Variants in ARHGEF28 observed in about 807,000 individuals in gnomAD.
ARHGEF28 encodes the protein 190 kDa guanine nucleotide exchange factor.
Under a neutral mutation model 206.6 loss-of-function variants are expected in ARHGEF28, and 152 were observed. The ratio of observed to expected loss-of-function variants is 0.74; its 90% confidence interval spans 0.64 to 0.84. The LOEUF (loss-of-function observed/expected upper bound fraction) is 0.84, where lower values mean the gene tolerates loss of function less well. ARHGEF28 is among the 40% of genes least tolerant of loss of function. The pLI is 0.00. For missense variants in ARHGEF28, 2,028 were observed against 2,073.2 expected (o/e 0.98, Z 0.42); for synonymous variants, 763 against 776.4 (o/e 0.98, Z 0.29).
In ARHGEF28 at chr5:73,755,694, C is replaced by A. The variant is rs149554959; in HGVS notation, c.475+2492C>A. 2.3e-3 allele frequency among the ~76,000 whole-genome samples: 354 copies of A among 152,284 alleles called. 1 individual carries two copies. The highest frequency in any genetic ancestry group is 7.6e-3 in the African/African-American group (317 of 41,560). On this transcript the variant is annotated intron_variant, in intron 4 of 35. Coordinates refer to ENST00000513042, the MANE Select transcript of ARHGEF28 (RefSeq NM_001177693.2). ...GAAGCATACAGTTTTCCATGCTGGG[C>A]ATGCCTGCTCAAAGTTATTTTTGCT...
intron 27 of ARHGEF28, among the ~76,000 whole-genome samples, chr5:73,892,980 C>T (rs1761736713): frequency 6.6e-6 from 1 of 152,068 alleles, no homozygotes; most frequent in African/African-American, 2.4e-5. Flanking sequence ...TTGAGTCATC[C>T]CACACCACCG....
At position 73,882,461 on chromosome 5, in the gene ARHGEF28, T is replaced by G; in HGVS notation, c.2815-11T>G. 1 of 1,412,688 alleles carries G rather than the reference T, an allele frequency of 7.1e-7. No homozygotes were observed. Among genetic ancestry groups the G allele is most frequent in the East Asian group, 2.5e-5 (1 of 39,342 alleles). 87.5% of individuals were successfully genotyped at this position (1,412,688 alleles called of 1,614,324 possible). A position where few individuals can be genotyped will look rare whatever the true frequency, so the allele number is the denominator to read the frequency against. On this transcript the variant is annotated splice_polypyrimidine_tract_variant and intron_variant, in intron 22 of 35. Transcript: ENST00000513042. Reference sequence around the variant, plus strand: ...AATTTACAAACCATTATTTAAATGTTATTCTTCCAGTTTTCAGAAGAAAAT... The same window carrying G: ...AATTTACAAACCATTATTTAAATGTGATTCTTCCAGTTTTCAGAAGAAAAT...
At chr5:73,738,702 G>T (rs1445114565) in intron 2 of ARHGEF28, among the ~76,000 whole-genome samples, 1 of 152,150 alleles carries the variant, frequency 6.6e-6, no homozygotes, top group Non-Finnish European at 1.5e-5. Flanking sequence ...AATAAGAATG[G>T]ATAGTTATGA....
intron 10 of ARHGEF28, among the ~76,000 whole-genome samples, chr5:73,839,576 A>G (rs1757860845): frequency 6.6e-6 from 1 of 152,070 alleles, no homozygotes; most frequent in Non-Finnish European, 1.5e-5. Flanking sequence ...ACTCTTTTTC[A>G]TGCATGTGGG....
chr5:73,729,670 C>T (rs1483682951), intron 2 of ARHGEF28, among the ~76,000 whole-genome samples: 2 of 152,204 alleles, frequency 1.3e-5, no homozygotes, highest in South Asian at 2.1e-4. Flanking sequence ...ACATTTCAGG[C>T]GGGCAGCTTC....
intron 35 of ARHGEF28, among the ~76,000 whole-genome samples, chr5:73,925,022 A>G (rs1763721963): frequency 1.3e-5 from 2 of 152,220 alleles, no homozygotes; most frequent in Non-Finnish European, 2.9e-5. Context: ...GATTTGCCAC[A>G]TGGGTTGTGT....
intron 2 of ARHGEF28, among the ~76,000 whole-genome samples, chr5:73,686,733 AG>A (rs1215184553): frequency 1.3e-5 from 2 of 151,968 alleles, no homozygotes; most frequent in African/African-American, 2.4e-5. Context: ...CGTGTTAGCC[AG>A]GATGGTCTCG....
intron 26 of ARHGEF28, among the ~76,000 whole-genome samples, chr5:73,888,449 T>G (rs1761433122): frequency 6.6e-6 from 1 of 152,200 alleles, no homozygotes; most frequent in Admixed American, 6.5e-5. Context: ...ATGCTTGAGA[T>G]TCTCTTAAAG....
rs150197427 is a variant in ARHGEF28, at chr5:73,772,627, C to T, written c.476-1228C>T. On this transcript the variant is annotated intron_variant, in intron 4 of 35. Transcript: ENST00000513042. ...CTCCTGGGCTCAAGTGATCCTCCCGCGTTGGCCTCCCAAAGTGCTGGGATT... is the reference window on the plus strand; with the variant it reads ...CTCCTGGGCTCAAGTGATCCTCCCGTGTTGGCCTCCCAAAGTGCTGGGATT... Among the ~76,000 whole-genome samples the T allele has an allele frequency of 7.3e-3, 1,115 of 152,300 alleles. 8 individuals are homozygous for T. The highest frequency in any genetic ancestry group is 0.014 in the Middle Eastern group (4 of 294).
At chr5:73,842,188 T>C (rs949143159) in intron 11 of ARHGEF28, among the ~76,000 whole-genome samples, 8 of 152,154 alleles carry the variant, frequency 5.3e-5, no homozygotes, top group Non-Finnish European at 8.8e-5. Context: ...AGCTTTTTTT[T>C]CCCCCATATC....
intron 4 of ARHGEF28, among the ~76,000 whole-genome samples, chr5:73,758,950 C>T (rs771548297): frequency 1.3e-5 from 2 of 152,174 alleles, no homozygotes; most frequent in Non-Finnish European, 2.9e-5. Context: ...TTTCTCCTGC[C>T]TTTGTGATTG....
rs559847014 is a variant in ARHGEF28, at chr5:73,879,809, G to C, written c.2815-2663G>C. Among the ~76,000 whole-genome samples, 5 of 152,234 alleles carry C rather than the reference G, an allele frequency of 3.3e-5. No individual in the cohort carries two copies. In the East Asian group the frequency reaches 9.7e-4, roughly 29 times the overall value. On this transcript the variant is annotated intron_variant, in intron 22 of 35. Coordinates refer to ENST00000513042, the MANE Select transcript of ARHGEF28 (RefSeq NM_001177693.2). Reference sequence around the variant, plus strand: ...AAGTTTTGTCTCAGAGGAGTACCTGGCCATGTGAGGTGTCAGTCTGCCCCT... The same window carrying C: ...AAGTTTTGTCTCAGAGGAGTACCTGCCCATGTGAGGTGTCAGTCTGCCCCT...
intron 1 of ARHGEF28, among the ~76,000 whole-genome samples, chr5:73,650,247 T>TTC (rs575373247): frequency 6.4e-4 from 97 of 150,910 alleles, no homozygotes; most frequent in Admixed American, 2.0e-3. Flanking sequence ...ATCTGGCCCG[T>TTC]TCATCACCTG....
intron 1 of ARHGEF28, among the ~76,000 whole-genome samples, chr5:73,683,020 T>C (rs1747207378): frequency 6.6e-6 from 1 of 152,152 alleles, no homozygotes; most frequent in African/African-American, 2.4e-5. Context: ...TTGGAACTCC[T>C]TGAGGGCTGG....
intron 7 of ARHGEF28, among the ~76,000 whole-genome samples, chr5:73,784,494 C>A (rs1046891725): frequency 4.6e-5 from 7 of 152,132 alleles, no homozygotes; most frequent in Non-Finnish European, 8.8e-5. Flanking sequence ...AATAAAAAAC[C>A]TGGCTCCATA....
At chr5:73,810,432 T>C (rs890350957) in intron 9 of ARHGEF28, among the ~76,000 whole-genome samples, 4 of 152,242 alleles carry the variant, frequency 2.6e-5, no homozygotes, top group African/African-American at 7.2e-5. Flanking sequence ...GAATCTCAGC[T>C]AATAGAAATA....
At chr5:73,648,660 C>T (rs566837102) in intron 1 of ARHGEF28, among the ~76,000 whole-genome samples, 1 of 152,332 alleles carries the variant, frequency 6.6e-6, no homozygotes, top group African/African-American at 2.4e-5. Context: ...TGCATCATTG[C>T]AGTCAGGTGG....
chr5:73,838,558 G>T (rs367738803), intron 10 of ARHGEF28, among the ~76,000 whole-genome samples: 2 of 152,112 alleles, frequency 1.3e-5, no homozygotes, highest in African/African-American at 2.4e-5. Context: ...TCAGTACAGA[G>T]AATCCCTGTA....
chr5:73,737,525 T>TTCTTTTCTTTTCTTTTC (rs1751065348), intron 2 of ARHGEF28, among the ~76,000 whole-genome samples: 1 of 145,120 alleles, frequency 6.9e-6, no homozygotes, highest in Non-Finnish European at 1.5e-5. Flanking sequence ...TTCTTTTCTT[T>TTCTTTTCTTTTCTTTTC]TTTGTGATGG....
Sources: gnomAD v4.1 joint callset for allele counts (sites outside exome capture counted in the v4.1 genomes callset) on GRCh38, gnomAD v4.1.1 for gene constraint, MANE v1.5 for transcripts, NCBI Gene and HGNC (gene_info 2026-07-23, HGNC 2026-07-21) for gene names.